Variants in MED23 observed in about 807,000 individuals in gnomAD.
The protein encoded by MED23 is mediator complex subunit 23.
A neutral mutation model predicts 163.9 loss-of-function variants in MED23; 105 were observed. That is an observed-to-expected ratio of 0.64 (90% CI 0.55 to 0.75). The LOEUF is 0.75. Ranked by LOEUF, MED23 falls within the 30% of genes least tolerant of loss-of-function variation. The pLI is 0.00. For missense variants in MED23, 1,054 were observed against 1,649.0 expected, an observed-to-expected ratio of 0.64 and a Z score of 6.25; for synonymous variants, 561 against 565.6, an observed-to-expected ratio of 0.99 and a Z score of 0.12.
chr6:131,621,321 T>C (rs1386604647), intron 6 of MED23, among the ~76,000 whole-genome samples: 4 of 151,860 alleles, frequency 2.6e-5, no homozygotes, highest in African/African-American at 9.7e-5. Flanking sequence ...GTGTTATCAT[T>C]ATAAAAAAAT....
chr6:131,625,377 T>C (rs1333126109), intron 3 of MED23, among the ~76,000 whole-genome samples: 2 of 152,200 alleles, frequency 1.3e-5, no homozygotes, highest in Non-Finnish European at 2.9e-5. Flanking sequence ...TGGATCAGTA[T>C]GTATCAGGCT....
In MED23 at chr6:131,590,207, A is replaced by G. The variant is rs564258850; in HGVS notation, c.3807+115T>C. 5 of 983,106 alleles carry G rather than the reference A, an allele frequency of 5.1e-6. No individual in the cohort carries two copies. The African/African-American group carries it at 6.5e-5, about 13-fold the overall frequency. 60.9% of individuals were successfully genotyped at this position (983,106 alleles called of 1,614,324 possible). Reference sequence around the variant, plus strand: ...TCTAAAATTGCTCTTGGATCCTGTTAAACTAGTTTCACTACTAATGGTTGT... The same window carrying G: ...TCTAAAATTGCTCTTGGATCCTGTTGAACTAGTTTCACTACTAATGGTTGT... On this transcript the variant is annotated intron_variant, in intron 27 of 28. Coordinates refer to ENST00000368068, the MANE Select transcript of MED23 (RefSeq NM_004830.4).
At position 131,627,635 on chromosome 6, in the gene MED23, A is replaced by T; in HGVS notation, c.71+6T>A. ...AAACACAAAACTCTGCCACGCATAC[A>T]CTCACCCAGGAAAAGCCTCTTCTAT... is the stretch of plus-strand genomic sequence containing the variant. On this transcript the variant is annotated splice_donor_region_variant and intron_variant, in intron 2 of 28. Transcript: ENST00000368068. The T allele has an allele frequency of 6.2e-7, 1 of 1,612,212 alleles. No homozygotes were observed.
chr6:131,599,286 G>A (rs996965010), intron 18 of MED23, among the ~76,000 whole-genome samples: 8 of 152,200 alleles, frequency 5.3e-5, no homozygotes, highest in Non-Finnish European at 8.8e-5. Flanking sequence ...GATTTGGTAA[G>A]TTTAAAAACC....
intron 23 of MED23, among the ~76,000 whole-genome samples, chr6:131,593,700 T>G (rs1399221949): frequency 2.6e-5 from 4 of 151,942 alleles, no homozygotes; most frequent in Non-Finnish European, 5.9e-5. Flanking sequence ...TAAAGAAAAA[T>G]ATATTTTATC....
chr6:131,595,110 GACAA>G (rs1188514458), intron 22 of MED23, among the ~76,000 whole-genome samples: 1 of 152,198 alleles, frequency 6.6e-6, no homozygotes, highest in African/African-American at 2.4e-5. Context: ...CTGCCTGCCA[GACAA>G]ACACTTTGTT....
chr6:131,597,560 A>C (rs1775159324), intron 20 of MED23, among the ~76,000 whole-genome samples: 1 of 151,880 alleles, frequency 6.6e-6, no homozygotes, highest in African/African-American at 2.4e-5. Context: ...CATTTGGGGA[A>C]TGTTTGTTAC....
At chr6:131,594,361 C>T (rs1256045747) in intron 22 of MED23, 26 bp from the exon 23 acceptor site, 1 of 1,493,058 alleles carries the variant, frequency 6.7e-7, no homozygotes, top group South Asian at 1.1e-5. Flanking sequence ...CATACCACCA[C>T]AATGTTTAAC....
chr6:131,607,498 T>C lies in MED23; in HGVS notation c.1221+430A>G, dbSNP rs557942984. ...AGGTGGAGGTTGCAGTGAGCTGAGA[T>C]CACGCCACTGCACTCCAGCCTGGGT... On this transcript the variant is annotated intron_variant, in intron 12 of 28. Coordinates refer to ENST00000368068, the MANE Select transcript of MED23 (RefSeq NM_004830.4). Among the ~76,000 whole-genome samples, 20 of 151,982 alleles carry C rather than the reference T, an allele frequency of 1.3e-4. No individual in the cohort carries two copies. In the East Asian group the frequency reaches 3.9e-3, roughly 30 times the overall value.
downstream of MED23, chr6:131,586,633 A>C: frequency 1.6e-6 from 1 of 624,918 alleles, no homozygotes; most frequent in South Asian, 3.7e-5. Flanking sequence ...GGCCAATGTC[A>C]GTCACCAACT....
intron 15 of MED23, among the ~76,000 whole-genome samples, chr6:131,603,846 T>C (rs752784129): frequency 6.6e-6 from 1 of 152,198 alleles, no homozygotes; most frequent in Non-Finnish European, 1.5e-5. Flanking sequence ...ACAGCATTGC[T>C]GCCTCAGGCA....
At position 131,627,390 on chromosome 6, in the gene MED23, G is replaced by A. The variant is rs1777585890; in HGVS notation, c.159+6C>T. On this transcript the variant is annotated splice_donor_region_variant and intron_variant, in intron 3 of 28. Transcript: ENST00000368068. ...CAGCTGAATGTATTAAAAATGAAGC[G>A]CTCACCTGAGAAAGACCACCCCAAA... 9 of 1,606,422 alleles carry A rather than the reference G, an allele frequency of 5.6e-6. No homozygotes were observed. Among genetic ancestry groups the A allele is most frequent in the Non-Finnish European group, 7.7e-6 (9 of 1,175,704 alleles).
Position 131,610,262 on chromosome 6 carries a change from T to G in MED23, c.877-16A>C. 1 of 1,612,266 alleles carries G rather than the reference T, an allele frequency of 6.2e-7. No homozygotes were observed. Among genetic ancestry groups the G allele is most frequent in the East Asian group, 2.2e-5 (1 of 44,774 alleles). On this transcript the variant is annotated splice_polypyrimidine_tract_variant and intron_variant, in intron 10 of 28. Coordinates refer to ENST00000368068, the MANE Select transcript of MED23 (RefSeq NM_004830.4). ...GCTGCTTGTGCTGTAGGGCAGAGAT[T>G]AAATACAGTATTCCAAAAGCCTCTC...
At chr6:131,625,925 A>C (rs900970883) in intron 3 of MED23, among the ~76,000 whole-genome samples, 1 of 151,990 alleles carries the variant, frequency 6.6e-6, no homozygotes, top group Non-Finnish European at 1.5e-5. Context: ...GATCGAGACC[A>C]ACCTGGCTAA....
At chr6:131,628,261 G>A (rs572952402), upstream of MED23, 54 of 590,502 alleles carry the variant, frequency 9.1e-5, no homozygotes, top group South Asian at 9.8e-4. Flanking sequence ...CCCGGTACGC[G>A]CCGTTTGCAA....
intron 24 of MED23, 91 bp downstream of exon 24, chr6:131,592,915 C>A (rs778367212): frequency 5.5e-6 from 8 of 1,461,888 alleles, no homozygotes; most frequent in South Asian, 2.3e-5. Flanking sequence ...ATCAGCCTTG[C>A]GGCAACAGGT....
chr6:131,584,241 G>C, downstream of MED23: 1 of 278,480 alleles, frequency 3.6e-6, no homozygotes, highest in Non-Finnish European at 6.9e-6. Flanking sequence ...CTTGGAATCA[G>C]GAGACAAAGC....
chr6:131,595,913 G>C, intron 22 of MED23, 34 bp downstream of exon 22: 1 of 1,485,838 alleles, frequency 6.7e-7, no homozygotes, highest in Non-Finnish European at 9.4e-7. Context: ...GATAATGGAG[G>C]TATTAGACGA....
downstream of MED23, chr6:131,583,429 C>A (rs766077763): frequency 6.2e-7 from 1 of 1,614,122 alleles, no homozygotes; most frequent in Non-Finnish European, 8.5e-7. Flanking sequence ...ACTGGCACAC[C>A]AGTCGTGGGA....
Sources: allele counts gnomAD v4.1 joint callset (sites outside exome capture counted in the v4.1 genomes callset), GRCh38; gene constraint gnomAD v4.1.1; transcripts MANE v1.5; gene names NCBI Gene and HGNC (gene_info 2026-07-23, HGNC 2026-07-21).